The following ARID5B variants were observed in gnomAD, a reference collection of about 807,000 sequenced individuals.
The protein encoded by ARID5B is AT-rich interaction domain 5B.
Under a neutral mutation model 97.2 loss-of-function variants are expected in ARID5B, and 13 were observed. That is an observed-to-expected ratio of 0.13 (90% confidence interval 0.09 to 0.21). The LOEUF (loss-of-function observed/expected upper bound fraction) is 0.21, where lower values mean the gene tolerates loss of function less well. Among genes scored for constraint, ARID5B ranks in the 10% least tolerant of loss-of-function variants. ARID5B has a pLI of 1.00. For synonymous variants in ARID5B, 556 were observed against 570.3 expected (o/e 0.97, Z 0.36); for missense variants, 1,210 against 1,465.3 (o/e 0.83, Z 2.84).
At chr10:61,978,107 T>A (rs1838725968) in intron 3 of ARID5B, among the ~76,000 whole-genome samples, 1 of 152,250 alleles carries the variant, frequency 6.6e-6, no homozygotes, top group Non-Finnish European at 1.5e-5. Flanking sequence ...CACCATTTAT[T>A]AAATAGGGAA....
At chr10:62,067,806 C>T (rs568799577) in intron 7 of ARID5B, among the ~76,000 whole-genome samples, 1 of 152,356 alleles carries the variant, frequency 6.6e-6, no homozygotes, top group East Asian at 1.9e-4. Flanking sequence ...AATGAGATTT[C>T]CTATAACCTG....
intron 3 of ARID5B, among the ~76,000 whole-genome samples, chr10:61,986,927 C>T (rs1036656751): frequency 2.0e-5 from 3 of 152,136 alleles, no homozygotes; most frequent in African/African-American, 7.2e-5. Flanking sequence ...AGTTTGGGAA[C>T]CCAAGGCTTA....
intron 3 of ARID5B, among the ~76,000 whole-genome samples, chr10:61,990,450 T>C (rs1258770620): frequency 6.6e-6 from 1 of 152,230 alleles, no homozygotes; most frequent in African/African-American, 2.4e-5. Flanking sequence ...CCTTCAGCCT[T>C]TTAGGAAGTG....
At chr10:62,083,050 C>A (rs1388095989) in intron 8 of ARID5B, among the ~76,000 whole-genome samples, 1 of 151,066 alleles carries the variant, frequency 6.6e-6, no homozygotes, top group Non-Finnish European at 1.5e-5. Flanking sequence ...TTGACCTTTA[C>A]ACACACACAC....
chr10:61,972,615 G>A (rs1294895186), intron 3 of ARID5B, among the ~76,000 whole-genome samples: 2 of 152,156 alleles, frequency 1.3e-5, no homozygotes, highest in African/African-American at 4.8e-5. Flanking sequence ...GAACTCCACT[G>A]TATTCTATTA....
rs1312203501 is a variant in ARID5B, at chr10:62,093,543, A to G, written c.*513A>G. ...ACTATTAAACAATCCAGAGAAGTAA[A>G]CACTGTTAAATTGACTGTATATATT... On this transcript the variant is annotated 3_prime_UTR_variant, in exon 10 of 10. Transcript: ENST00000279873. 1 of 234,616 alleles carries G rather than the reference A, an allele frequency of 4.3e-6. No homozygotes were observed. The highest frequency in any genetic ancestry group is 6.0e-5 in the East Asian group (1 of 16,576). The allele number at this position is 234,616 out of a possible 1,614,324, so 14.5% of individuals were successfully genotyped here.
At chr10:61,996,854 G>A (rs1317771175) in intron 3 of ARID5B, among the ~76,000 whole-genome samples, 1 of 147,120 alleles carries the variant, frequency 6.8e-6, no homozygotes, top group Non-Finnish European at 1.5e-5. Context: ...GGTTAGGAGA[G>A]AAATAAGAAT....
intron 9 of ARID5B, among the ~76,000 whole-genome samples, chr10:62,088,758 T>G (rs2132981844): frequency 6.6e-6 from 1 of 152,358 alleles, no homozygotes; most frequent in Non-Finnish European, 1.5e-5. Context: ...GGTTTGGATT[T>G]TATTGTTTTC....
chr10:61,920,276 TGCTCA>T (rs2132768850), intron 2 of ARID5B, among the ~76,000 whole-genome samples: 1 of 151,996 alleles, frequency 6.6e-6, no homozygotes, highest in African/African-American at 2.4e-5. Context: ...CAGTTCTAAC[TGCTCA>T]GCTGTGCCAG....
chr10:62,065,620 C>G (rs547058541), intron 7 of ARID5B, among the ~76,000 whole-genome samples: 1 of 151,962 alleles, frequency 6.6e-6, no homozygotes, highest in East Asian at 1.9e-4. Context: ...CCAAGATGGG[C>G]GGATCACGAG....
intron 7 of ARID5B, among the ~76,000 whole-genome samples, chr10:62,060,817 C>T (rs1329838674): frequency 2.0e-5 from 3 of 152,186 alleles, no homozygotes; most frequent in African/African-American, 7.2e-5. Flanking sequence ...AACGTCTTTT[C>T]ACACTCTGGA....
chr10:61,940,017 A>C (rs1236048633), intron 2 of ARID5B, among the ~76,000 whole-genome samples, 166 bp from the exon 3 acceptor site: 2 of 152,236 alleles, frequency 1.3e-5, no homozygotes, highest in Non-Finnish European at 2.9e-5. Flanking sequence ...AAAACCATTG[A>C]AATGAAGTGA....
chr10:62,045,694 C>T (rs1484658924), intron 4 of ARID5B, among the ~76,000 whole-genome samples: 1 of 152,118 alleles, frequency 6.6e-6, no homozygotes, highest in African/African-American at 2.4e-5. Flanking sequence ...CGTGATCCAC[C>T]CGCCTCAGCC....
chr10:62,050,773 A>G (rs1288409265), intron 4 of ARID5B, 115 bp from the exon 5 acceptor site: 1 of 855,666 alleles, frequency 1.2e-6, no homozygotes, highest in Non-Finnish European at 1.9e-6. Context: ...CCTGCCACAG[A>G]TCTGTACATT....
At chr10:62,031,095 A>G (rs1839491757) in intron 4 of ARID5B, among the ~76,000 whole-genome samples, 1 of 152,180 alleles carries the variant, frequency 6.6e-6, no homozygotes, top group Non-Finnish European at 1.5e-5. Context: ...TTAGCCTGTC[A>G]CGGTGGTGGA....
intron 4 of ARID5B, among the ~76,000 whole-genome samples, chr10:62,003,714 T>C (rs1674705381): frequency 6.6e-6 from 1 of 152,082 alleles, no homozygotes; most frequent in Non-Finnish European, 1.5e-5. Context: ...CCATCTTGGA[T>C]AGGAATGAGT....
chr10:62,086,690 CAA>C (rs747189859), intron 9 of ARID5B, among the ~76,000 whole-genome samples: 2,645 of 23,744 alleles, frequency 0.11, 125 homozygotes, highest in African/African-American at 0.23. Context: ...GACTCCATCT[CAA>C]AAAAAAAAAA....
At chr10:62,082,892 C>A (rs759787417) in intron 8 of ARID5B, among the ~76,000 whole-genome samples, 1 of 152,152 alleles carries the variant, frequency 6.6e-6, no homozygotes, top group African/African-American at 2.4e-5. Context: ...CGTGCGAGAC[C>A]GTGCCCTGTT....
intron 3 of ARID5B, among the ~76,000 whole-genome samples, chr10:61,971,155 A>G (rs948614035): frequency 3.3e-5 from 5 of 152,214 alleles, no homozygotes; most frequent in Non-Finnish European, 5.9e-5. Context: ...TAATGGGCAA[A>G]AGCTCTGAAC....
Sources: gnomAD v4.1 joint callset for allele counts (sites outside exome capture counted in the v4.1 genomes callset) on GRCh38, gnomAD v4.1.1 for gene constraint, MANE v1.5 for transcripts, NCBI Gene and HGNC (gene_info 2026-07-23, HGNC 2026-07-21) for gene names.